ZBTB48: variants seen among roughly 807,000 people sequenced by gnomAD.
The protein encoded by ZBTB48 is zinc finger and BTB domain containing 48, also known as zinc finger and BTB domain-containing protein 48.
ZBTB48 carries 35 observed loss-of-function variants against 64.5 expected under a neutral mutation model. That is an observed-to-expected ratio of 0.54 (90% confidence interval 0.41 to 0.72). ZBTB48 has a LOEUF of 0.72. Among genes scored for constraint, ZBTB48 ranks in the 30% least tolerant of loss-of-function variants. The pLI is 0.00. For synonymous variants in ZBTB48, 442 were observed against 356.7 expected (o/e 1.24, Z -2.70); for missense variants, 828 against 895.3 (o/e 0.92, Z 0.96).
chr1:6,586,858 G>T, intron 5 of ZBTB48, 71 bp downstream of exon 5: 1 of 1,537,340 alleles, frequency 6.5e-7, no homozygotes. Context: ...CCCTTTACGT[G>T]GGGTGCTGTC....
chr1:6,589,134 G>C lies in ZBTB48; in HGVS notation c.1989G>C (p.Glu663Asp), dbSNP rs763569085. The change falls in exon 11 of 11, where the codon GAG becomes GAC. Residue 663 changes from glutamate (E) to aspartate (D), a missense_variant. By Grantham distance (45) the Glu-to-Asp change is conservative. Transcript: ENST00000377674. Reference sequence around the variant, plus strand: ...TCCCCGGCCAGAGACTGTGTGCAGAGGAGAGCTTCACCGGCCCAGGTGTCC... The same window carrying C: ...TCCCCGGCCAGAGACTGTGTGCAGACGAGAGCTTCACCGGCCCAGGTGTCC... The part of the protein sequence containing the change: ...SQLPGQRLCA[E>D]ESFTGPGVLE... The C allele has an allele frequency of 1.3e-6, 2 of 1,593,924 alleles. No individual in the cohort carries two copies. The highest frequency in any genetic ancestry group is 4.5e-5 in the East Asian group (2 of 44,712).
intron 3 of ZBTB48, among the ~76,000 whole-genome samples, chr1:6,583,898 GC>G (rs1640565829): frequency 6.6e-6 from 1 of 150,412 alleles, no homozygotes; most frequent in Non-Finnish European, 1.5e-5. Context: ...TCCTGCCTCA[GC>G]CTCCTGAGTA....
At position 6,585,914 on chromosome 1, in the gene ZBTB48, G is replaced by A. The variant is rs1028232144; in HGVS notation, c.933-5G>A. ...CCCCCCCACCCCTGTGGCTTCTCCT[G>A]GCAGGAAACATACTGGGGAGAAACC... On this transcript the variant is annotated splice_region_variant and splice_polypyrimidine_tract_variant and intron_variant, in intron 3 of 10. Coordinates refer to ENST00000377674, the MANE Select transcript of ZBTB48 (RefSeq NM_005341.4). 1 of 1,613,768 alleles carries A rather than the reference G, an allele frequency of 6.2e-7. No homozygotes were observed. The highest frequency in any genetic ancestry group is 1.1e-5 in the South Asian group (1 of 91,086).
Position 6,586,853 on chromosome 1 carries a change from T to G in ZBTB48, c.1137+66T>G, listed in dbSNP as rs762178628. The G allele has an allele frequency of 2.6e-5, 40 of 1,546,324 alleles. No individual in the cohort carries two copies. In the Middle Eastern group the frequency reaches 6.7e-4, roughly 26 times the overall value. On this transcript the variant is annotated intron_variant, in intron 5 of 10. Coordinates refer to ENST00000377674, the MANE Select transcript of ZBTB48 (RefSeq NM_005341.4). ...CCAGGATCCTTCCTGCTGAGCCCTT[T>G]ACGTGGGGTGCTGTCAGGCACCTCC...
intron 9 of ZBTB48, 21 bp from the exon 10 acceptor site, chr1:6,588,735 A>G (rs1359866855): frequency 6.2e-7 from 1 of 1,613,808 alleles, no homozygotes; most frequent in Non-Finnish European, 8.5e-7. Context: ...ATGATCCCCC[A>G]CGGTGTTCTC....
chr1:6,588,661 T>TCC, intron 9 of ZBTB48, 95 bp from the exon 10 acceptor site: 1 of 1,553,888 alleles, frequency 6.4e-7, no homozygotes, highest in Non-Finnish European at 8.8e-7. Context: ...AAACCACTGG[T>TCC]CCCCTCCCTT....
chr1:6,586,139 T>C, intron 4 of ZBTB48, 109 bp downstream of exon 4: 1 of 1,117,162 alleles, frequency 9.0e-7, no homozygotes, highest in Non-Finnish European at 1.3e-6. Context: ...TACTGTAAAC[T>C]CAGGAAAGCT....
In ZBTB48 at chr1:6,584,383, CTTTG is replaced by C. The variant is rs572043581; in HGVS notation, c.933-1535_933-1532del. Among the ~76,000 whole-genome samples, 70 of 152,338 alleles carry C rather than the reference CTTTG, an allele frequency of 4.6e-4. No individual in the cohort carries two copies. In the East Asian group the frequency reaches 9.3e-3, roughly 20 times the overall value. The stretch of plus-strand genomic sequence containing the variant: ...TGGAGAATCCCCTTGGGCGGCACTG[CTTTG>C]GAGTCCCTGCAAGGCCTGTGGGGAT... On this transcript the variant is annotated intron_variant, in intron 3 of 10. Coordinates refer to ENST00000377674, the MANE Select transcript of ZBTB48 (RefSeq NM_005341.4). The surrounding 1 kb of genome is among the most constrained non-coding windows in gnomAD (Gnocchi z 4.5).
rs1640685201 is a variant in ZBTB48, at chr1:6,586,787, G to A, written c.1137G>A (p.Lys379=). The change falls in exon 5 of 11, where the codon AAG becomes AAA. Residue 379 remains lysine, a splice_region_variant and synonymous_variant. Coordinates refer to ENST00000377674, the MANE Select transcript of ZBTB48 (RefSeq NM_005341.4). The part of the protein sequence containing the change: ...MVSHTGEMPY[K]CSSCSQQFMQ... The stretch of plus-strand genomic sequence containing the variant: ...CTCACACAGGGGAGATGCCCTACAA[G>A]GTCAGGCTTGGCCTGTCTCCAGGGC... 1 of 1,608,992 alleles carries A rather than the reference G, an allele frequency of 6.2e-7. No homozygotes were observed. Among genetic ancestry groups the A allele is most frequent in the South Asian group, 1.1e-5 (1 of 90,384 alleles).
rs1430065297 is a variant in ZBTB48 at position 6,580,774 on chromosome 1, C to T, written c.165C>T (p.Tyr55=). The T allele has an allele frequency of 3.7e-6, 6 of 1,614,102 alleles. No homozygotes were observed. The African/African-American group carries it at 4.0e-5, about 11-fold the overall frequency. ...GCAGTCACTTTTTCCAGAGCCTCTA[C>T]GGGGATGGCTCAGGGGGCAGTGTCG... ...ACCSHFFQSL[Y]GDGSGGSVVL... is the part of the protein sequence containing the mutation. The change falls in exon 2 of 11, where the codon TAC becomes TAT. Residue 55 remains tyrosine (Y), a synonymous_variant. Transcript: ENST00000377674. The surrounding 1 kb of genome is among the most constrained non-coding windows in gnomAD (Gnocchi z 5.2).
chr1:6,585,781 G>T, intron 3 of ZBTB48, 138 bp from the exon 4 acceptor site: 1 of 755,078 alleles, frequency 1.3e-6, no homozygotes. Context: ...GAGGCTTCTG[G>T]GCTTGTCCCT....
rs1288455841 is a variant in ZBTB48, at chr1:6,580,334, G to C, written c.-70+198G>C. 1.3e-5 allele frequency among the ~76,000 whole-genome samples: 2 copies of C among 152,142 alleles called. No homozygotes were observed. The highest frequency in any genetic ancestry group is 2.9e-5 in the Non-Finnish European group (2 of 68,026). Reference sequence around the variant, plus strand: ...CCCATGTCTCCTTTCCCCAAACTTGGATTTTTCTCACCAGGCCCTTCTTCA... The same window carrying C: ...CCCATGTCTCCTTTCCCCAAACTTGCATTTTTCTCACCAGGCCCTTCTTCA... On this transcript the variant is annotated intron_variant, in intron 1 of 10. Coordinates refer to ENST00000377674, the MANE Select transcript of ZBTB48 (RefSeq NM_005341.4). The surrounding 1 kb of genome is among the most constrained non-coding windows in gnomAD (Gnocchi z 5.2).
In ZBTB48 at chr1:6,581,005, C is replaced by T. The variant is rs145178070; in HGVS notation, c.396C>T (p.Pro132=). ...QAAGGQSGLG[P]PASQNVNSHV... is the part of the protein sequence containing the mutation. ...CAGGTGGCCAGAGTGGGCTGGGGCC[C>T]CCTGCCTCCCAGAATGTGAACAGCC... Residue 132 remains proline, a synonymous_variant, in exon 2 of 11, where the codon CCC becomes CCT. Coordinates refer to ENST00000377674, the MANE Select transcript of ZBTB48 (RefSeq NM_005341.4). 6.9e-5 allele frequency: 112 copies of T among 1,613,314 alleles called. No individual in the cohort carries two copies. Among genetic ancestry groups the T allele is most frequent in the Admixed American group, 6.7e-5 (4 of 60,000 alleles).
chr1:6,586,885 G>A, intron 5 of ZBTB48, 98 bp downstream of exon 5: 2 of 1,388,650 alleles, frequency 1.4e-6, no homozygotes, highest in Non-Finnish European at 2.0e-6. Context: ...CTCCCTCACA[G>A]TAGCTGTCAG....
At position 6,580,686 on chromosome 1, in the gene ZBTB48, G is replaced by A; in HGVS notation, c.77G>A (p.Cys26Tyr). The change falls in exon 2 of 11, where the codon TGC becomes TAC. Residue 26 changes from cysteine to tyrosine, a missense_variant. Cys to Tyr is a radical substitution (Grantham distance 194, BLOSUM62 -2). Coordinates refer to ENST00000377674, the MANE Select transcript of ZBTB48 (RefSeq NM_005341.4). The surrounding 1 kb of genome is among the most constrained non-coding windows in gnomAD (Gnocchi z 5.2). ...AAGCAGCGGGAGAAGGGCCAGTACT[G>A]CGACGCCACTCTGGACGTGGGGGGC... ...LNKQREKGQY[C>Y]DATLDVGGLV... 2 of 1,614,158 alleles carry A rather than the reference G, an allele frequency of 1.2e-6. No individual in the cohort carries two copies. The highest frequency in any genetic ancestry group is 8.5e-7 in the Non-Finnish European group (1 of 1,180,036).
At chr1:6,582,667 G>A (rs1013938024) in intron 3 of ZBTB48, among the ~76,000 whole-genome samples, 2 of 152,186 alleles carry the variant, frequency 1.3e-5, no homozygotes, top group African/African-American at 4.8e-5. Context: ...GTGTGGGCTT[G>A]AAGCCTGGCA....
chr1:6,582,551 C>T (rs1342292563), intron 3 of ZBTB48, among the ~76,000 whole-genome samples: 1 of 152,194 alleles, frequency 6.6e-6, no homozygotes, highest in Non-Finnish European at 1.5e-5. Context: ...CAGGTTCCAC[C>T]CACTGTGGAC....
At chr1:6,586,062 C>T (rs200914827) in intron 4 of ZBTB48, 32 bp downstream of exon 4, 251 of 1,604,902 alleles carry the variant, frequency 1.6e-4, no homozygotes, top group Non-Finnish European at 1.8e-4. Flanking sequence ...TACTTGTGGG[C>T]AGGGCACACT....
chr1:6,586,856 G>T (rs772809509), intron 5 of ZBTB48, 69 bp downstream of exon 5: 2 of 1,536,734 alleles, frequency 1.3e-6, no homozygotes, highest in East Asian at 4.8e-5. Flanking sequence ...AGCCCTTTAC[G>T]TGGGGTGCTG....
Sources: gnomAD v4.1 joint callset for allele counts (sites outside exome capture counted in the v4.1 genomes callset) on GRCh38, gnomAD v4.1.1 for gene constraint, Gnocchi (gnomAD v3.1) non-coding constraint, MANE v1.5 for transcripts, NCBI Gene and HGNC (gene_info 2026-07-23, HGNC 2026-07-21) for gene names.